CIROZ: variants seen among roughly 807,000 people sequenced by gnomAD.
The protein encoded by CIROZ is ciliated left-right organizer protein containing ZP-N domains.
chr1:10,951,745 A>AAAAAAAAAAAAT, the CIROZ span, among the ~76,000 whole-genome samples: 14 of 119,184 alleles, frequency 1.2e-4, no homozygotes, highest in Non-Finnish European at 2.1e-4. Flanking sequence ...AAAAAAAAAA[A>AAAAAAAAAAAAT]ATATATATAT....
chr1:10,971,647 C>T, the CIROZ span, among the ~76,000 whole-genome samples: 4 of 152,138 alleles, frequency 2.6e-5, no homozygotes, highest in South Asian at 8.3e-4. Context: ...CTCTTTCCTT[C>T]CTGACTTGAA....
the CIROZ span, chr1:10,976,191 G>A: frequency 1.7e-4 from 262 of 1,536,886 alleles, 1 homozygote; most frequent in East Asian, 5.7e-3. Flanking sequence ...TGGCTTGTCC[G>A]TGTCTGACCT....
the CIROZ span, among the ~76,000 whole-genome samples, chr1:10,976,580 G>C: frequency 6.6e-6 from 1 of 151,652 alleles, no homozygotes; most frequent in Non-Finnish European, 1.5e-5. Context: ...TTAAACTCCT[G>C]ACCTCGTGAT....
the CIROZ span, among the ~76,000 whole-genome samples, chr1:10,975,407 G>GAAAAAAAAAAAA: frequency 2.5e-5 from 2 of 78,782 alleles, no homozygotes; most frequent in Non-Finnish European, 5.7e-5. Flanking sequence ...CTCTGTCTCA[G>GAAAAAAAAAAAA]AAAAAAAAAA....
At chr1:10,966,711 G>A in the CIROZ span, among the ~76,000 whole-genome samples, 1 of 152,094 alleles carries the variant, frequency 6.6e-6, no homozygotes, top group Admixed American at 6.5e-5. Flanking sequence ...ATCTCCCCAC[G>A]TGAATCCTCG....
chr1:10,966,337 A>G, the CIROZ span: 9 of 1,497,670 alleles, frequency 6.0e-6, no homozygotes, highest in Non-Finnish European at 6.2e-6. Context: ...AAAAAAAAAA[A>G]GAAAAGTTTC....
chr1:10,949,948 C>G, the CIROZ span: 1 of 766,342 alleles, frequency 1.3e-6, no homozygotes, highest in Non-Finnish European at 2.0e-6. Context: ...GATGCAAGTC[C>G]TGGGTTGGGA....
the CIROZ span, among the ~76,000 whole-genome samples, chr1:10,952,845 T>C: frequency 3.3e-5 from 5 of 152,174 alleles, no homozygotes; most frequent in Admixed American, 6.5e-5. Context: ...CCCTTCCAGA[T>C]TGGACGCTGC....
chr1:10,980,251 CT>C, the CIROZ span, among the ~76,000 whole-genome samples: 1 of 152,240 alleles, frequency 6.6e-6, no homozygotes, highest in East Asian at 1.9e-4. Flanking sequence ...AATGACAGGA[CT>C]GGTTCCCCAG....
chr1:10,959,241 C>T, the CIROZ span, among the ~76,000 whole-genome samples: 2 of 152,186 alleles, frequency 1.3e-5, no homozygotes, highest in African/African-American at 4.8e-5. This position sits in a 1 kb window ranked among gnomAD's most constrained non-coding sequence, Gnocchi z 4.3. Context: ...GGGCACCAAC[C>T]ATCCCGGTTC....
the CIROZ span, among the ~76,000 whole-genome samples, chr1:10,958,319 A>C: frequency 5.9e-4 from 90 of 152,176 alleles, no homozygotes; most frequent in Admixed American, 3.5e-3. Context: ...TGCGGGAAAC[A>C]CTCAAAGGAC....
At chr1:10,949,754 G>T in the CIROZ span, 1 of 1,584,842 alleles carries the variant, frequency 6.3e-7, no homozygotes, top group Non-Finnish European at 8.6e-7. Context: ...TGGTCCTGGG[G>T]ATGGTGGGGA....
At chr1:10,955,450 T>C in the CIROZ span, among the ~76,000 whole-genome samples, 1 of 152,200 alleles carries the variant, frequency 6.6e-6, no homozygotes, top group African/African-American at 2.4e-5. Flanking sequence ...AGGAAGCAGA[T>C]GCCAGGAGGG....
At chr1:10,974,574 C>G in the CIROZ span, among the ~76,000 whole-genome samples, 1 of 152,146 alleles carries the variant, frequency 6.6e-6, no homozygotes, top group Non-Finnish European at 1.5e-5. This position sits in a 1 kb window ranked among gnomAD's most constrained non-coding sequence, Gnocchi z 4.4. Context: ...GCTGTTCTAA[C>G]GCTAAATAAA....
At chr1:10,973,170 C>T in the CIROZ span, among the ~76,000 whole-genome samples, 4 of 152,032 alleles carry the variant, frequency 2.6e-5, no homozygotes, top group African/African-American at 4.8e-5. Flanking sequence ...GTGAAGAGTT[C>T]GAGACCAGCT....
At chr1:10,951,550 G>GT in the CIROZ span, among the ~76,000 whole-genome samples, 2 of 143,388 alleles carry the variant, frequency 1.4e-5, no homozygotes, top group South Asian at 4.3e-4. Context: ...CTGTCTCGGG[G>GT]TAAAAAAAAA....
the CIROZ span, among the ~76,000 whole-genome samples, chr1:10,973,877 C>T: frequency 2.0e-5 from 3 of 152,244 alleles, no homozygotes; most frequent in Admixed American, 6.5e-5. Context: ...TCTGCCTTCC[C>T]GGGTGCAGCG....
the CIROZ span, chr1:10,948,458 A>C: frequency 6.2e-7 from 1 of 1,613,842 alleles, no homozygotes; most frequent in Non-Finnish European, 8.5e-7. Flanking sequence ...GCAGGAGGGG[A>C]CTTCCTGGAG....
chr1:10,952,909 G>C, the CIROZ span, among the ~76,000 whole-genome samples: 2 of 152,214 alleles, frequency 1.3e-5, no homozygotes, highest in South Asian at 4.1e-4. Context: ...GCCTTGCATG[G>C]GGCCTCATAA....
Sources: allele counts gnomAD v4.1 joint callset (sites outside exome capture counted in the v4.1 genomes callset), GRCh38; gene constraint gnomAD v4.1.1; non-coding constraint Gnocchi (gnomAD v3.1); transcripts MANE v1.5; gene names NCBI Gene and HGNC (gene_info 2026-07-23, HGNC 2026-07-21).